SLC2A13: variants seen among roughly 807,000 people sequenced by gnomAD.
The protein encoded by SLC2A13 is proton myo-inositol cotransporter.
A neutral mutation model predicts 64.4 loss-of-function variants in SLC2A13; 32 were observed. That is an observed-to-expected ratio of 0.50 (90% CI 0.37 to 0.67). The LOEUF is 0.67. SLC2A13 is among the 30% of genes least tolerant of loss of function. SLC2A13 has a pLI of 0.00. For synonymous variants in SLC2A13, 338 were observed against 327.1 expected (o/e 1.03, Z -0.36); for missense variants, 743 against 829.2 (o/e 0.90, Z 1.28).
chr12:40,079,351 T>C (rs111477836), intron 1 of SLC2A13, among the ~76,000 whole-genome samples: 22 of 152,214 alleles, frequency 1.4e-4, no homozygotes, highest in African/African-American at 5.1e-4. Flanking sequence ...TATTGATTTG[T>C]ACCTTAATTT....
In SLC2A13 at chr12:40,007,301, C is replaced by A. The variant is rs981995148; in HGVS notation, c.925+21000G>T. Among the ~76,000 whole-genome samples, 12 of 152,226 alleles carry A rather than the reference C, an allele frequency of 7.9e-5. No homozygotes were observed. In the Middle Eastern group the frequency reaches 0.01, roughly 129 times the overall value. On this transcript the variant is annotated intron_variant, in intron 3 of 9. Transcript: ENST00000280871. ...TATTTTCTATAAAAAACTTGCATTACTTTTAAAGATTCAAAATTTTAAGCA... is the reference window on the plus strand; with the variant it reads ...TATTTTCTATAAAAAACTTGCATTAATTTTAAAGATTCAAAATTTTAAGCA...
At chr12:40,028,622 GA>G in intron 2 of SLC2A13, 113 bp from the exon 3 acceptor site, 2 of 975,870 alleles carry the variant, frequency 2.0e-6, no homozygotes, top group Non-Finnish European at 3.0e-6. Context: ...AAGTTAGCCA[GA>G]ATTATTTGTG....
chr12:40,021,639 G>T (rs1267369367), intron 3 of SLC2A13, among the ~76,000 whole-genome samples: 1 of 152,104 alleles, frequency 6.6e-6, no homozygotes, highest in Non-Finnish European at 1.5e-5. Context: ...TTAGAAAATT[G>T]CAGGTCATCT....
intron 3 of SLC2A13, among the ~76,000 whole-genome samples, chr12:40,006,834 C>T (rs1947429528): frequency 6.6e-6 from 1 of 152,166 alleles, no homozygotes; most frequent in Non-Finnish European, 1.5e-5. Context: ...ATCTCAAATA[C>T]ACATAACAAA....
chr12:40,026,916 C>A (rs931422877), intron 3 of SLC2A13, among the ~76,000 whole-genome samples: 1 of 152,140 alleles, frequency 6.6e-6, no homozygotes, highest in Non-Finnish European at 1.5e-5. Context: ...CCCATCTCTA[C>A]AAAAAATACA....
chr12:39,794,123 C>CAAAAAAA (rs36179669), intron 7 of SLC2A13, among the ~76,000 whole-genome samples: 1 of 78,372 alleles, frequency 1.3e-5, no homozygotes, highest in African/African-American at 5.1e-5. Flanking sequence ...GGCCAAATTG[C>CAAAAAAA]AAAAAAAAAA....
intron 3 of SLC2A13, among the ~76,000 whole-genome samples, chr12:40,012,302 T>C (rs1301329500): frequency 6.6e-6 from 1 of 152,236 alleles, no homozygotes; most frequent in Non-Finnish European, 1.5e-5. Flanking sequence ...TAGTAGCATC[T>C]GTCTCCTGTC....
chr12:40,077,321 T>C (rs1938214292), intron 1 of SLC2A13, among the ~76,000 whole-genome samples: 2 of 152,200 alleles, frequency 1.3e-5, no homozygotes, highest in African/African-American at 2.4e-5. Flanking sequence ...CTTGAGTTGA[T>C]TTTTGTATAT....
At chr12:39,913,211 T>G (rs1189592898) in intron 4 of SLC2A13, among the ~76,000 whole-genome samples, 1 of 152,010 alleles carries the variant, frequency 6.6e-6, no homozygotes, top group African/African-American at 2.4e-5. Flanking sequence ...GAAAGACTAC[T>G]GAGGTTTCTT....
chr12:40,061,407 T>C (rs1319853472), intron 1 of SLC2A13, among the ~76,000 whole-genome samples: 2 of 152,074 alleles, frequency 1.3e-5, no homozygotes, highest in Non-Finnish European at 2.9e-5. Flanking sequence ...AAAGTGAAGA[T>C]AGCCATATTA....
intron 3 of SLC2A13, among the ~76,000 whole-genome samples, chr12:40,011,716 G>T (rs1249701705): frequency 6.6e-6 from 1 of 151,984 alleles, no homozygotes; most frequent in South Asian, 2.1e-4. Flanking sequence ...ATGTATACCC[G>T]ATGCCTAGCT....
intron 2 of SLC2A13, among the ~76,000 whole-genome samples, chr12:40,043,603 C>G (rs575181956): frequency 1.3e-5 from 2 of 152,182 alleles, no homozygotes; most frequent in African/African-American, 4.8e-5. Flanking sequence ...CTGCCAGATG[C>G]TGAAACTGTT....
intron 2 of SLC2A13, among the ~76,000 whole-genome samples, chr12:40,038,704 C>A (rs1948030409): frequency 7.0e-6 from 1 of 142,214 alleles, no homozygotes; most frequent in South Asian, 2.2e-4. Flanking sequence ...GCACACCAGC[C>A]TGGGTGACAG....
At chr12:39,858,187 A>G (rs1943657415) in intron 6 of SLC2A13, among the ~76,000 whole-genome samples, 1 of 152,230 alleles carries the variant, frequency 6.6e-6, no homozygotes, top group African/African-American at 2.4e-5. Flanking sequence ...TATTTATTTA[A>G]GTGTTAGCAA....
At chr12:39,841,804 G>C (rs553689112) in intron 6 of SLC2A13, among the ~76,000 whole-genome samples, 15 of 152,032 alleles carry the variant, frequency 9.9e-5, no homozygotes, top group African/African-American at 3.4e-4. Flanking sequence ...AGACAGAATA[G>C]AAAAATTAGA....
rs1248512829 is a variant in SLC2A13, at chr12:39,757,579, CTCTG to C, written c.*2443_*2446del. ...TATAAATAATTCTTATACTGTGCCT[CTCTG>C]TCTTATACTTCAAAGATATGGAATA... On this transcript the variant is annotated 3_prime_UTR_variant, in exon 10 of 10. Transcript: ENST00000280871. The C allele has an allele frequency of 1.3e-5, 2 of 151,656 alleles. No homozygotes were observed. Among genetic ancestry groups the C allele is most frequent in the Admixed American group, 6.6e-5 (1 of 15,186 alleles). The allele number at this position is 151,656 out of a possible 1,614,324, so 9.4% of individuals were successfully genotyped here.
At chr12:39,954,597 G>A (rs925598757) in intron 3 of SLC2A13, among the ~76,000 whole-genome samples, 12 of 152,154 alleles carry the variant, frequency 7.9e-5, no homozygotes, top group African/African-American at 2.9e-4. Context: ...AATGGTGTAA[G>A]TTTAGTCCTA....
chr12:39,921,576 C>G (rs1237425580), intron 4 of SLC2A13, among the ~76,000 whole-genome samples: 3 of 152,064 alleles, frequency 2.0e-5, no homozygotes. Flanking sequence ...AAAACGTCCT[C>G]CAAAAGGTGT....
chr12:39,976,766 A>G (rs961380995), intron 3 of SLC2A13, among the ~76,000 whole-genome samples: 1 of 152,190 alleles, frequency 6.6e-6, no homozygotes, highest in African/African-American at 2.4e-5. Context: ...ACTTTATTAA[A>G]TATTTTATAT....
Sources: allele counts gnomAD v4.1 joint callset (sites outside exome capture counted in the v4.1 genomes callset), GRCh38; gene constraint gnomAD v4.1.1; transcripts MANE v1.5; gene names NCBI Gene and HGNC (gene_info 2026-07-23, HGNC 2026-07-21).